FILIP1L: variants seen among roughly 807,000 people sequenced by gnomAD.
FILIP1L encodes the protein filamin A interacting protein 1 like.
FILIP1L carries 55 observed loss-of-function variants against 96.6 expected under a neutral mutation model. The observed-to-expected ratio is 0.57, with a 90% CI of 0.46 to 0.71. The LOEUF (loss-of-function observed/expected upper bound fraction) is 0.71, where lower values mean the gene tolerates loss of function less well. Among genes scored for constraint, FILIP1L ranks in the 30% least tolerant of loss-of-function variants. The pLI is 0.00. For synonymous variants in FILIP1L, 467 were observed against 473.9 expected (o/e 0.99, Z 0.19); for missense variants, 1,304 against 1,321.2 (o/e 0.99, Z 0.20).
intron 1 of FILIP1L, among the ~76,000 whole-genome samples, chr3:99,983,446 G>A (rs10936018): frequency 5.1e-4 from 45 of 87,728 alleles, no homozygotes; most frequent in African/African-American, 7.1e-4. Context: ...ATATATGTAT[G>A]TATATATATA....
chr3:99,987,954 T>C (rs1441426657), intron 1 of FILIP1L, among the ~76,000 whole-genome samples: 1 of 152,228 alleles, frequency 6.6e-6, no homozygotes, highest in Admixed American at 6.5e-5. Flanking sequence ...GATACTGTTC[T>C]TCCAGGCCAT....
chr3:100,083,762 A>AG (rs879559278), intron 1 of FILIP1L, among the ~76,000 whole-genome samples: 2 of 152,130 alleles, frequency 1.3e-5, no homozygotes. Flanking sequence ...TGTTTAGAGA[A>AG]GGGGGTCTCC....
intron 1 of FILIP1L, among the ~76,000 whole-genome samples, chr3:99,945,914 A>G (rs1707994797): frequency 6.6e-6 from 1 of 152,246 alleles, no homozygotes; most frequent in Non-Finnish European, 1.5e-5. Context: ...GAAGTGCCAC[A>G]CATGCTTTTG....
intron 4 of FILIP1L, among the ~76,000 whole-genome samples, chr3:99,888,956 T>C (rs991501504): frequency 1.3e-5 from 2 of 152,208 alleles, no homozygotes; most frequent in African/African-American, 4.8e-5. Flanking sequence ...TTTTTTGTCA[T>C]TGATTACATT....
intron 4 of FILIP1L, among the ~76,000 whole-genome samples, chr3:99,914,695 C>T (rs1706897562): frequency 6.6e-6 from 1 of 152,114 alleles, no homozygotes; most frequent in Non-Finnish European, 1.5e-5. Flanking sequence ...TAACTTTTGA[C>T]TTAGCAATTT....
chr3:100,008,006 C>G (rs572549517), intron 1 of FILIP1L, among the ~76,000 whole-genome samples: 1 of 152,274 alleles, frequency 6.6e-6, no homozygotes, highest in African/African-American at 2.4e-5. Context: ...TGGTTGTTTT[C>G]CCCAGCACAA....
chr3:99,935,190 G>A (rs1707622264), intron 1 of FILIP1L, among the ~76,000 whole-genome samples: 1 of 151,580 alleles, frequency 6.6e-6, no homozygotes, highest in Non-Finnish European at 1.5e-5. Flanking sequence ...ATGCATCTGT[G>A]CTTGGCCCAG....
chr3:99,902,259 C>T (rs1706461330), intron 4 of FILIP1L, among the ~76,000 whole-genome samples: 1 of 152,122 alleles, frequency 6.6e-6, no homozygotes, highest in African/African-American at 2.4e-5. Flanking sequence ...CTCTTGACAA[C>T]CAAAAGTATG....
At chr3:99,929,731 G>A (rs557356717) in intron 3 of FILIP1L, 125 bp downstream of exon 3, 5 of 619,598 alleles carry the variant, frequency 8.1e-6, no homozygotes, top group Non-Finnish European at 1.3e-5. Flanking sequence ...TATCTGTTTT[G>A]TGTAGGCTTT....
At chr3:99,909,718 A>G (rs567574849) in intron 4 of FILIP1L, among the ~76,000 whole-genome samples, 1 of 152,342 alleles carries the variant, frequency 6.6e-6, no homozygotes, top group South Asian at 2.1e-4. Context: ...TATTTAACTC[A>G]TAATAACTTA....
chr3:100,035,777 C>T (rs916951853), intron 1 of FILIP1L, among the ~76,000 whole-genome samples: 2 of 152,150 alleles, frequency 1.3e-5, no homozygotes, highest in African/African-American at 4.8e-5. Flanking sequence ...AAAGAATCCC[C>T]ATGTGCTCAT....
intron 1 of FILIP1L, among the ~76,000 whole-genome samples, chr3:100,013,354 C>T (rs2107202672): frequency 6.6e-6 from 1 of 152,224 alleles, no homozygotes; most frequent in Admixed American, 6.5e-5. Context: ...AGCGATTCTC[C>T]TGCCTCAGCC....
At chr3:99,887,312 C>T (rs535713747) in intron 4 of FILIP1L, among the ~76,000 whole-genome samples, 46 of 152,038 alleles carry the variant, frequency 3.0e-4, no homozygotes, top group Non-Finnish European at 5.7e-4. Context: ...GGTAGATCTT[C>T]ATCAGAAGTT....
intron 5 of FILIP1L, among the ~76,000 whole-genome samples, chr3:99,834,167 T>A (rs530278941): frequency 2.0e-5 from 3 of 152,342 alleles, no homozygotes; most frequent in Middle Eastern, 3.4e-3. Context: ...AGCTCCCCTA[T>A]TAAACAATGA....
At chr3:99,904,363 A>G in intron 4 of FILIP1L, among the ~76,000 whole-genome samples, 1 of 152,222 alleles carries the variant, frequency 6.6e-6, no homozygotes, top group South Asian at 2.1e-4. Context: ...AACCATTTTC[A>G]GTAGTAGAAT....
intron 1 of FILIP1L, among the ~76,000 whole-genome samples, chr3:100,013,045 G>A (rs1710208058): frequency 6.6e-6 from 1 of 151,582 alleles, no homozygotes; most frequent in Non-Finnish European, 1.5e-5. Flanking sequence ...TTTTTTGTTT[G>A]TTTGTTTTGT....
chr3:99,930,842 T>C lies in FILIP1L; in HGVS notation c.179A>G (p.Asn60Ser), dbSNP rs1707456149. Residue 60 changes from asparagine to serine, a missense_variant, in exon 2 of 6, where the codon AAT becomes AGT. By Grantham distance (46) the Asn-to-Ser change is conservative. Transcript: ENST00000477258. ...TGAGAGGTCTTCTGCTTGGTGGCCA[T>C]TACCACTGTGTGGCTTCTCTGCCTT... ...CPKAEKPHSG[N>S]GHQAEDLSRD... 1 of 1,611,692 alleles carries C rather than the reference T, an allele frequency of 6.2e-7. No individual in the cohort carries two copies. Among genetic ancestry groups the C allele is most frequent in the African/African-American group, 1.3e-5 (1 of 74,484 alleles).
At chr3:99,983,107 G>A (rs1024353729) in intron 1 of FILIP1L, among the ~76,000 whole-genome samples, 3 of 151,844 alleles carry the variant, frequency 2.0e-5, no homozygotes, top group African/African-American at 7.3e-5. Flanking sequence ...CTTTCAGATG[G>A]TGCAGTCTTT....
At chr3:99,936,711 C>T (rs1375977450) in intron 1 of FILIP1L, among the ~76,000 whole-genome samples, 1 of 150,752 alleles carries the variant, frequency 6.6e-6, no homozygotes, top group Non-Finnish European at 1.5e-5. Flanking sequence ...AAAGGTCACA[C>T]TGCTAAAAAG....
Sources: allele counts gnomAD v4.1 joint callset (sites outside exome capture counted in the v4.1 genomes callset), GRCh38; gene constraint gnomAD v4.1.1; transcripts MANE v1.5; gene names NCBI Gene and HGNC (gene_info 2026-07-23, HGNC 2026-07-21).